Variants in GRK3 observed in about 807,000 individuals in gnomAD.
GRK3 encodes the protein G protein-coupled receptor kinase 3, also known as adrenergic, beta, receptor kinase 2.
Under a neutral mutation model 95.7 loss-of-function variants are expected in GRK3, and 54 were observed. That is an observed-to-expected ratio of 0.56 (90% confidence interval 0.45 to 0.71). The LOEUF (loss-of-function observed/expected upper bound fraction) is 0.71. Ranked by LOEUF, GRK3 falls within the 30% of genes least tolerant of loss-of-function variation. The pLI is 0.00. For synonymous variants in GRK3, 281 were observed against 290.8 expected (o/e 0.97, Z 0.34); for missense variants, 649 against 851.2 (o/e 0.76, Z 2.96).
At chr22:25,600,386 T>G (rs1379968107) in intron 1 of GRK3, among the ~76,000 whole-genome samples, 1 of 152,120 alleles carries the variant, frequency 6.6e-6, no homozygotes, top group Non-Finnish European at 1.5e-5. Flanking sequence ...GTGATCCACC[T>G]GCCTCGGCCT....
chr22:25,622,324 G>C (rs1420832402), intron 2 of GRK3, among the ~76,000 whole-genome samples: 1 of 152,222 alleles, frequency 6.6e-6, no homozygotes, highest in Non-Finnish European at 1.5e-5. Context: ...AGCTCCCTCA[G>C]CGTCTGAGGG....
At chr22:25,598,652 G>A (rs183383557) in intron 1 of GRK3, among the ~76,000 whole-genome samples, 4 of 152,096 alleles carry the variant, frequency 2.6e-5, no homozygotes, top group Non-Finnish European at 4.4e-5. Flanking sequence ...TCCAGCCTGG[G>A]CAACAGAGAG....
At chr22:25,703,455 A>G in intron 13 of GRK3, 55 bp from the exon 14 acceptor site, 2 of 1,359,998 alleles carry the variant, frequency 1.5e-6, no homozygotes, top group Non-Finnish European at 2.1e-6. Context: ...AGTCAGTGAT[A>G]TGTTCTATAT....
intron 13 of GRK3, among the ~76,000 whole-genome samples, chr22:25,695,418 G>T (rs1006529822): frequency 6.6e-6 from 1 of 152,186 alleles, no homozygotes; most frequent in East Asian, 1.9e-4. Flanking sequence ...TTATGGCTTC[G>T]TATTTTTATT....
intron 2 of GRK3, among the ~76,000 whole-genome samples, chr22:25,610,039 C>T (rs1002549604): frequency 2.6e-5 from 4 of 151,142 alleles, no homozygotes; most frequent in African/African-American, 9.7e-5. Context: ...TTTAAGGAGA[C>T]ACAGGGTTTC....
chr22:25,588,403 T>C (rs941660191), intron 1 of GRK3, among the ~76,000 whole-genome samples: 1 of 152,264 alleles, frequency 6.6e-6, no homozygotes, highest in African/African-American at 2.4e-5. Flanking sequence ...TGTCCTGTGC[T>C]GAATTGTTTA....
chr22:25,620,907 A>T (rs1248994071), intron 2 of GRK3, among the ~76,000 whole-genome samples: 1 of 152,268 alleles, frequency 6.6e-6, no homozygotes, highest in Non-Finnish European at 1.5e-5. Context: ...GGGTTAACGA[A>T]TTCCATCAAG....
chr22:25,718,017 T>A (rs1347546833), intron 18 of GRK3, among the ~76,000 whole-genome samples: 1 of 152,202 alleles, frequency 6.6e-6, no homozygotes, highest in African/African-American at 2.4e-5. Flanking sequence ...ATCAGCATAT[T>A]GAGAAGCAAT....
At position 25,726,473 on chromosome 22, in the gene GRK3, A is replaced by G. The variant is rs994922498; in HGVS notation, c.*4023A>G. ...GGAAATGTTTCTGTGTCATTCAGAG[A>G]TGCTTGATGAATTAACACCTCCCAC... On this transcript the variant is annotated 3_prime_UTR_variant, in exon 21 of 21. Transcript: ENST00000324198. The G allele has an allele frequency of 9.2e-5, 14 of 152,096 alleles. No individual in the cohort carries two copies. The highest frequency in any genetic ancestry group is 3.1e-4 in the African/African-American group (13 of 41,380). 9.4% of individuals were successfully genotyped at this position (152,096 alleles called of 1,614,324 possible). A position where few individuals can be genotyped will look rare whatever the true frequency, so the allele number is the denominator to read the frequency against.
In GRK3 at chr22:25,650,139, C is replaced by A. The variant is rs201702644; in HGVS notation, c.264+5474C>A. ...CCTGAGTAGCTGGGATTACAGGTAG[C>A]ACCCTGTAATCCCAGTGCCACCCTG... On this transcript the variant is annotated intron_variant, in intron 3 of 20. Coordinates refer to ENST00000324198, the MANE Select transcript of GRK3 (RefSeq NM_005160.4). Among the ~76,000 whole-genome samples, 42 of 151,996 alleles carry A rather than the reference C, an allele frequency of 2.8e-4. 1 individual carries two copies. In the East Asian group the frequency reaches 6.4e-3, roughly 23 times the overall value.
At chr22:25,681,825 A>C (rs1313147395) in intron 9 of GRK3, among the ~76,000 whole-genome samples, 1 of 152,214 alleles carries the variant, frequency 6.6e-6, no homozygotes, top group Non-Finnish European at 1.5e-5. Flanking sequence ...GTTTTACTTA[A>C]TGGTCTACTT....
intron 1 of GRK3, among the ~76,000 whole-genome samples, chr22:25,571,085 A>G (rs539256067): frequency 1.3e-5 from 2 of 152,306 alleles, no homozygotes; most frequent in South Asian, 2.1e-4. Flanking sequence ...GTTTGCCACC[A>G]TTTCCTTCTC....
rs964685087 is a variant in GRK3 at position 25,725,478 on chromosome 22, T to C, written c.*3028T>C. On this transcript the variant is annotated 3_prime_UTR_variant, in exon 21 of 21. Coordinates refer to ENST00000324198, the MANE Select transcript of GRK3 (RefSeq NM_005160.4). Reference sequence around the variant, plus strand: ...TTTTAACCTAAAACATTCTCTTTGGTTCATTCATCCCCTCATGTCATGGGG... The same window carrying C: ...TTTTAACCTAAAACATTCTCTTTGGCTCATTCATCCCCTCATGTCATGGGG... 2.5e-6 allele frequency: 1 copy of C among 398,360 alleles called. No individual in the cohort carries two copies. The highest frequency in any genetic ancestry group is 4.4e-6 in the Non-Finnish European group (1 of 225,996). 24.7% of individuals were successfully genotyped at this position (398,360 alleles called of 1,614,324 possible).
chr22:25,634,998 A>G (rs985918807), intron 2 of GRK3, among the ~76,000 whole-genome samples: 6 of 152,212 alleles, frequency 3.9e-5, no homozygotes, highest in African/African-American at 1.4e-4. Context: ...GGTATGAGGA[A>G]TTTTGTATAC....
At chr22:25,702,079 T>C (rs930125861) in intron 13 of GRK3, among the ~76,000 whole-genome samples, 1 of 151,902 alleles carries the variant, frequency 6.6e-6, no homozygotes, top group African/African-American at 2.4e-5. Flanking sequence ...CTAATTTACC[T>C]TGTTTTGATC....
chr22:25,675,633 G>A lies in GRK3; in HGVS notation c.647+1105G>A, dbSNP rs754664837. Among the ~76,000 whole-genome samples the A allele has an allele frequency of 3.1e-4, 47 of 152,338 alleles. 2 individuals carry two copies. Among genetic ancestry groups the A allele is most frequent in the Middle Eastern group, 3.4e-3 (1 of 294 alleles). On this transcript the variant is annotated intron_variant, in intron 8 of 20. Transcript: ENST00000324198. ...GCTTGGTTATAAAGTAATTGAGTCCGTGGGAGAAGGGGTGTTTGAGGCCCC... is the reference window on the plus strand; with the variant it reads ...GCTTGGTTATAAAGTAATTGAGTCCATGGGAGAAGGGGTGTTTGAGGCCCC...
rs1932224190 is a variant in GRK3, at chr22:25,584,545, T to TAATGTAAGA, written c.113+19392_113+19393insAATGTAAGA. 2.6e-5 allele frequency among the ~76,000 whole-genome samples: 4 copies of TAATGTAAGA among 152,374 alleles called. No individual in the cohort carries two copies. The East Asian group carries it at 7.7e-4, about 29-fold the overall frequency. Reference sequence around the variant, plus strand: ...TGCCTCAGTGAAAAGGTGAACATTCTCAATGTAAGAGAACAGAATAAATCA... The same window carrying TAATGTAAGA: ...TGCCTCAGTGAAAAGGTGAACATTCTAATGTAAGACAATGTAAGAGAACAGAATAAATCA... On this transcript the variant is annotated intron_variant, in intron 1 of 20. Coordinates refer to ENST00000324198, the MANE Select transcript of GRK3 (RefSeq NM_005160.4).
intron 8 of GRK3, among the ~76,000 whole-genome samples, 183 bp from the exon 9 acceptor site, chr22:25,678,633 G>A (rs1041050209): frequency 2.0e-5 from 3 of 152,124 alleles, no homozygotes; most frequent in African/African-American, 7.2e-5. Context: ...TTTAAGTATT[G>A]CTTGATTTTG....
At chr22:25,601,960 A>G (rs2084412200) in intron 1 of GRK3, among the ~76,000 whole-genome samples, 2 of 152,198 alleles carry the variant, frequency 1.3e-5, no homozygotes, top group African/African-American at 4.8e-5. Flanking sequence ...CTGTCCATCA[A>G]AGAAATGTCA....
Sources: allele counts gnomAD v4.1 joint callset (sites outside exome capture counted in the v4.1 genomes callset), GRCh38; gene constraint gnomAD v4.1.1; transcripts MANE v1.5; gene names NCBI Gene and HGNC (gene_info 2026-07-23, HGNC 2026-07-21).